CYP4F11: variants seen among roughly 807,000 people sequenced by gnomAD.
CYP4F11 encodes cytochrome P450 family 4 subfamily F member 11, also known as cytochrome P450 4F11.
A neutral mutation model predicts 62.2 loss-of-function variants in CYP4F11; 79 were observed. The ratio of observed to expected loss-of-function variants is 1.27; its 90% CI spans 1.06 to 1.53. The LOEUF is 1.53. Ranked by LOEUF, CYP4F11 falls within the 40% of genes most tolerant of loss-of-function variation. The pLI, the probability that CYP4F11 is intolerant of heterozygous loss-of-function variation, is 0.00. For missense variants in CYP4F11, 777 were observed against 680.5 expected, an observed-to-expected ratio of 1.14 and a Z score of -1.58; for synonymous variants, 290 against 263.7, an observed-to-expected ratio of 1.10 and a Z score of -0.97.
At position 15,934,489 on chromosome 19, in the gene CYP4F11, G is replaced by C; in HGVS notation, c.-81C>G. On this transcript the variant is annotated 5_prime_UTR_variant, in exon 1 of 12. Transcript: ENST00000402119. ...GAAGCTCCAAGGACAGTGGAAAGGG[G>C]CAAGGATGGGCAGTGCTGGAGGCAG... 6.7e-7 allele frequency: 1 copy of C among 1,496,474 alleles called. No individual in the cohort carries two copies. Among genetic ancestry groups the C allele is most frequent in the South Asian group, 1.2e-5 (1 of 81,262 alleles). The allele number at this position is 1,496,474 out of a possible 1,614,324, so 92.7% of individuals were successfully genotyped here. A position where few individuals can be genotyped will look rare whatever the true frequency, so the allele number is the denominator to read the frequency against.
intron 8 of CYP4F11, among the ~76,000 whole-genome samples, chr19:15,919,482 A>AGAT (rs2145041714): frequency 9.5e-6 from 1 of 105,310 alleles, no homozygotes; most frequent in African/African-American, 3.5e-5. Context: ...ATAGATAGAT[A>AGAT]GATAGATAGA....
intron 8 of CYP4F11, among the ~76,000 whole-genome samples, chr19:15,918,961 C>T (rs985530413): frequency 8.7e-5 from 13 of 148,742 alleles, no homozygotes; most frequent in African/African-American, 2.5e-4. Context: ...CTGTAAGACA[C>T]ACTGTCGAGT....
At chr19:15,914,040 C>T (rs2089561260) in intron 11 of CYP4F11, 131 bp from the exon 12 acceptor site, 1 of 1,210,176 alleles carries the variant, frequency 8.3e-7, no homozygotes, top group Non-Finnish European at 1.1e-6. Context: ...GATAAGTGTC[C>T]ACAGGACTCC....
chr19:15,914,906 A>G lies in CYP4F11; in HGVS notation c.1116-11T>C, dbSNP rs550369934. The G allele has an allele frequency of 2.9e-5, 46 of 1,612,670 alleles. No individual in the cohort carries two copies. Among genetic ancestry groups the G allele is most frequent in the Non-Finnish European group, 3.9e-5 (46 of 1,179,640 alleles). On this transcript the variant is annotated splice_polypyrimidine_tract_variant and intron_variant, in intron 8 of 11. Transcript: ENST00000402119. ...TGGGCCAGGTCGTCCCTAAGAAAAC[A>G]CCCCAGCCCCAATCATTATCAAGGG...
intron 4 of CYP4F11, among the ~76,000 whole-genome samples, chr19:15,925,728 G>GCACACACACACA (rs2089663622): frequency 4.1e-5 from 1 of 24,154 alleles, no homozygotes; most frequent in Admixed American, 7.2e-4. Context: ...ATACATATAT[G>GCACACACACACA]TACACACACA....
rs1354771975 is a variant in CYP4F11, at chr19:15,914,748, G to A, written c.1249+14C>T. 6.2e-7 allele frequency: 1 copy of A among 1,614,072 alleles called. No individual in the cohort carries two copies. The highest frequency in any genetic ancestry group is 1.1e-5 in the South Asian group (1 of 91,078). Reference sequence around the variant, plus strand: ...TGCTACCCAGGAGGCTCCTCCCCCTGAGGCTGTGAGCACCTTTGGGGATGA... The same window carrying A: ...TGCTACCCAGGAGGCTCCTCCCCCTAAGGCTGTGAGCACCTTTGGGGATGA... On this transcript the variant is annotated intron_variant, in intron 9 of 11. Transcript: ENST00000402119.
At chr19:15,915,545 T>G (rs1297057901) in intron 8 of CYP4F11, among the ~76,000 whole-genome samples, 1 of 152,214 alleles carries the variant, frequency 6.6e-6, no homozygotes, top group Non-Finnish European at 1.5e-5. Flanking sequence ...GTCACCTGCT[T>G]CTTCTCCTCA....
Position 15,912,805 on chromosome 19 carries a change from T to TACAC in CYP4F11, c.*926_*927insGTGT, listed in dbSNP as rs1555776636. The TACAC allele has an allele frequency of 1.0e-3, 105 of 101,238 alleles. 3 individuals carry two copies. The highest frequency in any genetic ancestry group is 4.0e-3 in the African/African-American group (94 of 23,412). 6.3% of individuals were successfully genotyped at this position (101,238 alleles called of 1,614,324 possible). A position where few individuals can be genotyped will look rare whatever the true frequency, so the allele number is the denominator to read the frequency against. ...TATATATATAATATATATATATATA[T>TACAC]ACATATCTTATATGCACAGCCCTCT... On this transcript the variant is annotated 3_prime_UTR_variant, in exon 12 of 12. Coordinates refer to ENST00000402119, the MANE Select transcript of CYP4F11 (RefSeq NM_021187.4).
At position 15,914,776 on chromosome 19, in the gene CYP4F11, C is replaced by T. The variant is rs777878547; in HGVS notation, c.1235G>A (p.Arg412His). 29 of 1,614,040 alleles carry T rather than the reference C, an allele frequency of 1.8e-5. No individual in the cohort carries two copies. The highest frequency in any genetic ancestry group is 1.2e-4 in the African/African-American group (9 of 74,920). The change falls in exon 9 of 12, where the codon CGC becomes CAC. Residue 412 changes from arginine to histidine, a missense_variant. Coordinates refer to ENST00000402119, the MANE Select transcript of CYP4F11 (RefSeq NM_021187.4). ...GCTGTGAGCACCTTTGGGGATGACG[C>T]GGCCGTCTGGGAGCACAAAGTCCTG... ...CTQDFVLPDG[R>H]VIPKGIVCLI...
At chr19:15,921,896 A>G (rs984235796) in intron 8 of CYP4F11, 141 bp downstream of exon 8, 1 of 1,116,368 alleles carries the variant, frequency 9.0e-7, no homozygotes, top group Non-Finnish European at 1.2e-6. Flanking sequence ...CTGGCTGTGT[A>G]TTAAGCCCTG....
rs1330088941 is a variant in CYP4F11, at chr19:15,927,280, G to C, written c.457C>G (p.Pro153Ala). ...TTCAAGATGTTGAAATGGAAGGCAG[G>C]CGTCAACATCCGACGGTGGCGGCTC... ...KWSRHRRMLT[P>A]AFHFNILKPY... is the part of the protein sequence containing the mutation. Residue 153 changes from proline to alanine, a missense_variant, in exon 4 of 12, where the codon CCT (proline) becomes GCT (alanine). Pro to Ala is a conservative substitution (Grantham distance 27). Coordinates refer to ENST00000402119, the MANE Select transcript of CYP4F11 (RefSeq NM_021187.4). 1 of 1,614,136 alleles carries C rather than the reference G, an allele frequency of 6.2e-7. No homozygotes were observed. Among genetic ancestry groups the C allele is most frequent in the African/African-American group, 1.3e-5 (1 of 75,008 alleles).
chr19:15,918,375 A>C (rs1277862469), intron 8 of CYP4F11, among the ~76,000 whole-genome samples: 2 of 152,170 alleles, frequency 1.3e-5, no homozygotes, highest in Non-Finnish European at 2.9e-5. Flanking sequence ...TAGGTGCAGC[A>C]AACCACTATG....
chr19:15,919,401 AGGATGGATGGACGGATGGATGGATGGAT>A (rs2089606093), intron 8 of CYP4F11, among the ~76,000 whole-genome samples: 1 of 144,504 alleles, frequency 6.9e-6, no homozygotes, highest in Non-Finnish European at 1.5e-5. Flanking sequence ...GATAGGATAA[AGGATGGATGGACGGATGGATGGATGGAT>A]GGATGGATGG....
intron 8 of CYP4F11, among the ~76,000 whole-genome samples, chr19:15,919,220 TTAAA>T (rs1263897905): frequency 2.0e-5 from 3 of 147,808 alleles, no homozygotes; most frequent in Non-Finnish European, 4.5e-5. Context: ...AATTATTAAA[TTAAA>T]TAAATATGTT....
In CYP4F11 at chr19:15,929,456, C is replaced by G. The variant is rs1212077890; in HGVS notation, c.343+1G>C. ...CACTACCACAAGCTCTGCACGGGTA[C>G]CTGAGGCACTGGTGATAGGCCGGAT... On this transcript the variant is annotated splice_donor_variant, in intron 2 of 11. Transcript: ENST00000402119. LOFTEE classifies it high-confidence loss of function. 1 of 1,613,958 alleles carries G rather than the reference C, an allele frequency of 6.2e-7. No individual in the cohort carries two copies. Among genetic ancestry groups the G allele is most frequent in the Non-Finnish European group, 8.5e-7 (1 of 1,180,040 alleles).
rs1555776514 is a variant in CYP4F11, at chr19:15,912,675, A to AT, written c.*1056_*1057insA. ...TACCTTCACCATCCTCAGGAAAAAA[A>AT]AAAAAATATATATATATATATATGT... On this transcript the variant is annotated 3_prime_UTR_variant, in exon 12 of 12. Coordinates refer to ENST00000402119, the MANE Select transcript of CYP4F11 (RefSeq NM_021187.4). 2 of 78,856 alleles carry AT rather than the reference A, an allele frequency of 2.5e-5. No individual in the cohort carries two copies. The highest frequency in any genetic ancestry group is 1.1e-4 in the African/African-American group (2 of 19,028). The allele number at this position is 78,856 out of a possible 1,614,324, so 4.9% of individuals were successfully genotyped here. A position where few individuals can be genotyped will look rare whatever the true frequency, so the allele number is the denominator to read the frequency against.
chr19:15,923,947 G>T lies in CYP4F11; in HGVS notation c.783C>A (p.His261Gln), dbSNP rs140695163. ...PDGQRFRRACHLVHDFTDAVI... is the reference protein window; with the variant it reads ...PDGQRFRRACQLVHDFTDAVI... Reference sequence around the variant, plus strand: ...CGGCATCTGTGAAGTCGTGCACCAGGTGGCAGGCCCTGCGGAAGCGCTGCC... The same window carrying T: ...CGGCATCTGTGAAGTCGTGCACCAGTTGGCAGGCCCTGCGGAAGCGCTGCC... Residue 261 changes from histidine (H) to glutamine (Q), a missense_variant, in exon 6 of 12, where the codon CAC (histidine) becomes CAA (glutamine). Transcript: ENST00000402119. The T allele has an allele frequency of 8.7e-6, 14 of 1,614,214 alleles. No homozygotes were observed. In the African/African-American group the frequency reaches 1.2e-4, roughly 14 times the overall value.
rs190928425 is a variant in CYP4F11, at chr19:15,927,421, A to G, written c.397+9T>C. On this transcript the variant is annotated intron_variant, in intron 3 of 11. Transcript: ENST00000402119. ...GATATCCCCAACCCCATTCACCTCA[A>G]TTACTCACCCAGCCAGGGCTTCAGG... is the stretch of plus-strand genomic sequence containing the variant. 31 of 1,614,040 alleles carry G rather than the reference A, an allele frequency of 1.9e-5. No individual in the cohort carries two copies. The African/African-American group carries it at 2.9e-4, about 15-fold the overall frequency.
At chr19:15,929,820 T>C (rs1568256371) in intron 1 of CYP4F11, among the ~76,000 whole-genome samples, 1 of 152,172 alleles carries the variant, frequency 6.6e-6, no homozygotes, top group Non-Finnish European at 1.5e-5. Flanking sequence ...GGGGTGGGTG[T>C]CATCCAATCC....
Sources: gnomAD v4.1 joint callset for allele counts (sites outside exome capture counted in the v4.1 genomes callset) on GRCh38, gnomAD v4.1.1 for gene constraint, MANE v1.5 for transcripts, NCBI Gene and HGNC (gene_info 2026-07-23, HGNC 2026-07-21) for gene names.